Variants in CDH4 observed in about 807,000 individuals in gnomAD.
CDH4 encodes the protein cadherin 4.
Under a neutral mutation model 86.0 loss-of-function variants are expected in CDH4, and 33 were observed. The observed-to-expected ratio is 0.38, with a 90% CI of 0.29 to 0.51. The LOEUF is 0.51. Ranked by LOEUF, CDH4 falls within the 20% of genes least tolerant of loss-of-function variation. The pLI, the probability that CDH4 is intolerant of heterozygous loss-of-function variation, is 0.86. For missense variants in CDH4, 1,114 were observed against 1,307.4 expected (o/e 0.85, Z 2.28); for synonymous variants, 555 against 549.4 (o/e 1.01, Z -0.14).
At chr20:61,723,424 G>C (rs577698920) in intron 2 of CDH4, among the ~76,000 whole-genome samples, 1 of 152,214 alleles carries the variant, frequency 6.6e-6, no homozygotes, top group Non-Finnish European at 1.5e-5. Flanking sequence ...TGGCTCTGTC[G>C]TTTTCCTCCC....
intron 2 of CDH4, among the ~76,000 whole-genome samples, chr20:61,280,413 C>T (rs1032289772): frequency 5.3e-5 from 8 of 152,188 alleles, no homozygotes; most frequent in Non-Finnish European, 2.9e-5. Context: ...CGTGTGAGGA[C>T]GCCAGGTGTA....
chr20:61,793,700 C>T (rs910973855), intron 4 of CDH4, among the ~76,000 whole-genome samples: 1 of 151,870 alleles, frequency 6.6e-6, no homozygotes, highest in Non-Finnish European at 1.5e-5. Flanking sequence ...ATTAGCTGGG[C>T]ATGGTGGCAG....
rs2145468559 is a variant in CDH4 at position 61,393,057 on chromosome 20, G to A, written c.169+138120G>A. 6.6e-6 allele frequency among the ~76,000 whole-genome samples: 1 copy of A among 152,294 alleles called. No homozygotes were observed. Among genetic ancestry groups the A allele is most frequent in the East Asian group, 1.9e-4 (1 of 5,180 alleles). On this transcript the variant is annotated intron_variant, in intron 2 of 15. Coordinates refer to ENST00000614565, the MANE Select transcript of CDH4 (RefSeq NM_001794.5). This position sits in a 1 kb window ranked among gnomAD's most constrained non-coding sequence, Gnocchi z 4.3. Reference sequence around the variant, plus strand: ...GCTGCGGGGCCCCTCGGTGATCAGGGCCGTTTATTTTCCTCCTAATTTCTT... The same window carrying A: ...GCTGCGGGGCCCCTCGGTGATCAGGACCGTTTATTTTCCTCCTAATTTCTT...
At chr20:61,674,432 T>A (rs1236079987) in intron 2 of CDH4, among the ~76,000 whole-genome samples, 1 of 152,114 alleles carries the variant, frequency 6.6e-6, no homozygotes, top group East Asian at 1.9e-4. Context: ...AGCAGGCCTT[T>A]CGTGCAGACA....
At position 61,520,937 on chromosome 20, in the gene CDH4, C is replaced by T. The variant is rs959314931; in HGVS notation, c.170-222626C>T. Reference sequence around the variant, plus strand: ...GCAAACCCAGGTCAGTGCAGCTCTGCGGGGGTGCAGCTCCAGGGGCCTTGA... The same window carrying T: ...GCAAACCCAGGTCAGTGCAGCTCTGTGGGGGTGCAGCTCCAGGGGCCTTGA... On this transcript the variant is annotated intron_variant, in intron 2 of 15. Transcript: ENST00000614565. Among the ~76,000 whole-genome samples, 6 of 152,208 alleles carry T rather than the reference C, an allele frequency of 3.9e-5. No homozygotes were observed. In the South Asian group the frequency reaches 6.2e-4, roughly 16 times the overall value.
chr20:61,457,343 ACT>A (rs2085412883), intron 2 of CDH4, among the ~76,000 whole-genome samples: 1 of 152,084 alleles, frequency 6.6e-6, no homozygotes, highest in Non-Finnish European at 1.5e-5. Flanking sequence ...CCTTCAGATA[ACT>A]CTGTTAAAAA....
At chr20:61,685,479 C>T (rs1041530880) in intron 2 of CDH4, among the ~76,000 whole-genome samples, 4 of 152,232 alleles carry the variant, frequency 2.6e-5, no homozygotes, top group East Asian at 1.9e-4. Context: ...ATCTCCCCTG[C>T]GGAGAGTGCC....
At chr20:61,853,513 G>A (rs377625430) in intron 6 of CDH4, among the ~76,000 whole-genome samples, 17 of 152,148 alleles carry the variant, frequency 1.1e-4, no homozygotes, top group East Asian at 5.8e-4. Flanking sequence ...CTCTGGCACC[G>A]GTGGTGGCGC....
chr20:61,392,970 C>T lies in CDH4; in HGVS notation c.169+138033C>T, dbSNP rs947414158. On this transcript the variant is annotated intron_variant, in intron 2 of 15. Coordinates refer to ENST00000614565, the MANE Select transcript of CDH4 (RefSeq NM_001794.5). This position sits in a 1 kb window ranked among gnomAD's most constrained non-coding sequence, Gnocchi z 5.7. The stretch of plus-strand genomic sequence containing the variant: ...TACCCACCAAGGGCAGCCGAGCCTC[C>T]TGCTTGAGCACATGCCTTGTCGCTC... Among the ~76,000 whole-genome samples, 2 of 152,190 alleles carry T rather than the reference C, an allele frequency of 1.3e-5. No homozygotes were observed. Among genetic ancestry groups the T allele is most frequent in the Non-Finnish European group, 1.5e-5 (1 of 68,038 alleles).
chr20:61,923,817 C>T lies in CDH4; in HGVS notation c.1628+113C>T, dbSNP rs1270635971. 7.4e-6 allele frequency: 10 copies of T among 1,345,110 alleles called. 1 individual carries two copies. In the Middle Eastern group the frequency reaches 7.1e-4, roughly 96 times the overall value. The allele number at this position is 1,345,110 out of a possible 1,614,324, so 83.3% of individuals were successfully genotyped here. ...CCCAGAATTCCCCCAGATGGGTGGT[C>T]GGGGGCATCTCCAACCTAAGGCGTC... On this transcript the variant is annotated intron_variant, in intron 10 of 15. Coordinates refer to ENST00000614565, the MANE Select transcript of CDH4 (RefSeq NM_001794.5).
rs2088533009 is a variant in CDH4 at position 61,754,345 on chromosome 20, G to A, written c.396+10556G>A. On this transcript the variant is annotated intron_variant, in intron 3 of 15. Coordinates refer to ENST00000614565, the MANE Select transcript of CDH4 (RefSeq NM_001794.5). This position sits in a 1 kb window ranked among gnomAD's most constrained non-coding sequence, Gnocchi z 4.7. ...AGGAGTGTCCCCAGCCAGGGGTCCC[G>A]CCCAGGGCTCCAAATACCCCTGAAT... Among the ~76,000 whole-genome samples the A allele has an allele frequency of 6.6e-6, 1 of 152,062 alleles. No individual in the cohort carries two copies. The highest frequency in any genetic ancestry group is 1.5e-5 in the Non-Finnish European group (1 of 67,986).
intron 3 of CDH4, among the ~76,000 whole-genome samples, chr20:61,745,147 C>G (rs1226360489): frequency 6.6e-6 from 1 of 152,246 alleles, no homozygotes; most frequent in Non-Finnish European, 1.5e-5. Context: ...CATGGGCACT[C>G]CCTCGGAAAA....
intron 2 of CDH4, among the ~76,000 whole-genome samples, chr20:61,360,001 C>A (rs1325757271): frequency 5.9e-5 from 9 of 152,170 alleles, no homozygotes; most frequent in Admixed American, 5.9e-4. Flanking sequence ...TGGTGAGATC[C>A]TGGTTCCAAA....
chr20:61,779,521 G>A (rs1978425256), intron 4 of CDH4, among the ~76,000 whole-genome samples: 1 of 152,250 alleles, frequency 6.6e-6, no homozygotes, highest in African/African-American at 2.4e-5. Flanking sequence ...GATGGCTCAA[G>A]TCAGCCCCCT....
chr20:61,653,496 C>A (rs2087148442), intron 2 of CDH4, among the ~76,000 whole-genome samples: 1 of 141,712 alleles, frequency 7.1e-6, no homozygotes, highest in South Asian at 2.2e-4. Flanking sequence ...GGGCTCCTCA[C>A]TTCCCAGTAG....
At chr20:61,671,760 G>C (rs374166890) in intron 2 of CDH4, among the ~76,000 whole-genome samples, 1 of 151,320 alleles carries the variant, frequency 6.6e-6, no homozygotes, top group East Asian at 2.0e-4. Context: ...TGATGGGTGG[G>C]TGTGTGGATG....
At chr20:61,914,900 C>T (rs1600767779) in intron 9 of CDH4, among the ~76,000 whole-genome samples, 1 of 152,164 alleles carries the variant, frequency 6.6e-6, no homozygotes, top group Admixed American at 6.5e-5. Context: ...GCAGCTGGCT[C>T]AAGTCTTCAT....
intron 6 of CDH4, among the ~76,000 whole-genome samples, chr20:61,869,549 A>G (rs1983706275): frequency 6.6e-6 from 1 of 152,172 alleles, no homozygotes; most frequent in Non-Finnish European, 1.5e-5. Context: ...CAGTTTCCCC[A>G]TCTGTCAAAA....
At chr20:61,505,605 G>A (rs1207513564) in intron 2 of CDH4, among the ~76,000 whole-genome samples, 1 of 152,170 alleles carries the variant, frequency 6.6e-6, no homozygotes, top group African/African-American at 2.4e-5. Context: ...TGCTTAGGAA[G>A]GTCTGTGCCA....
Sources: gnomAD v4.1 joint callset for allele counts (sites outside exome capture counted in the v4.1 genomes callset) on GRCh38, gnomAD v4.1.1 for gene constraint, Gnocchi (gnomAD v3.1) non-coding constraint, MANE v1.5 for transcripts, NCBI Gene and HGNC (gene_info 2026-07-23, HGNC 2026-07-21) for gene names.